The following SYT14 variants were observed in gnomAD, a reference collection of about 807,000 sequenced individuals.
SYT14 encodes the protein synaptotagmin-14.
A neutral mutation model predicts 74.2 loss-of-function variants in SYT14; 32 were observed. The ratio of observed to expected loss-of-function variants is 0.43; its 90% CI spans 0.33 to 0.58. The LOEUF (loss-of-function observed/expected upper bound fraction) is 0.58. Ranked by LOEUF, SYT14 falls within the 20% of genes least tolerant of loss-of-function variation. SYT14 has a pLI of 0.05. For synonymous variants in SYT14, 298 were observed against 337.7 expected (o/e 0.88, Z 1.29); for missense variants, 791 against 981.8 (o/e 0.81, Z 2.60).
chr1:209,974,575 C>G (rs2079321423), intron 2 of SYT14, among the ~76,000 whole-genome samples: 1 of 152,124 alleles, frequency 6.6e-6, no homozygotes, highest in African/African-American at 2.4e-5. Context: ...GTCTATATCT[C>G]TGTTGTGGTA....
At chr1:210,072,132 GATAT>G (rs34290398) in intron 5 of SYT14, among the ~76,000 whole-genome samples, 8 of 146,288 alleles carry the variant, frequency 5.5e-5, no homozygotes, top group African/African-American at 1.7e-4. Context: ...GTTAATTAAA[GATAT>G]ATATATATAT....
exon 10 of SYT14, chr1:210,165,350 T>G (rs1220081624): frequency 6.6e-6 from 1 of 151,878 alleles, no homozygotes; most frequent in Non-Finnish European, 1.5e-5. Flanking sequence ...AGATCAGAAA[T>G]TTTTTTTCTT....
intron 1 of SYT14, among the ~76,000 whole-genome samples, chr1:209,949,409 C>T (rs960499830): frequency 2.0e-5 from 3 of 151,972 alleles, no homozygotes; most frequent in African/African-American, 7.3e-5. Flanking sequence ...CCCGCCTCTA[C>T]TAAAGATACA....
chr1:210,013,200 A>T (rs966146774), intron 2 of SYT14, among the ~76,000 whole-genome samples: 8 of 149,252 alleles, frequency 5.4e-5, no homozygotes, highest in Admixed American at 5.1e-4. Flanking sequence ...CCACCCAAGT[A>T]GCTGGGATTA....
exon 4 of SYT14, chr1:210,016,493 A>G (rs1182446759): frequency 8.9e-6 from 11 of 1,231,960 alleles, no homozygotes; most frequent in African/African-American, 4.7e-5. Context: ...GGCTGGATCT[A>G]TTTGTCAAGA....
chr1:210,080,984 A>G (rs2102479590), intron 5 of SYT14, among the ~76,000 whole-genome samples: 1 of 152,310 alleles, frequency 6.6e-6, no homozygotes, highest in East Asian at 1.9e-4. Flanking sequence ...TTACCCAAGT[A>G]AAAAGGAGGA....
intron 2 of SYT14, among the ~76,000 whole-genome samples, chr1:210,008,262 A>G (rs2080024004): frequency 1.3e-5 from 2 of 152,208 alleles, no homozygotes; most frequent in African/African-American, 4.8e-5. Flanking sequence ...GGATCATGGG[A>G]AAACTTGCAT....
At chr1:209,980,142 A>G (rs1572104582) in intron 2 of SYT14, among the ~76,000 whole-genome samples, 2 of 152,096 alleles carry the variant, frequency 1.3e-5, no homozygotes, top group Non-Finnish European at 2.9e-5. Context: ...CTTTTTAATT[A>G]TAGCTGTTCT....
chr1:210,066,014 A>G (rs1452332593), intron 5 of SYT14, among the ~76,000 whole-genome samples: 1 of 151,728 alleles, frequency 6.6e-6, no homozygotes, highest in African/African-American at 2.4e-5. Flanking sequence ...GCTGAGAATG[A>G]TGGTTTCCAG....
chr1:210,039,733 AC>A (rs1309007527), intron 5 of SYT14, among the ~76,000 whole-genome samples: 2 of 152,216 alleles, frequency 1.3e-5, no homozygotes, highest in Non-Finnish European at 2.9e-5. Flanking sequence ...ATGAACAGAC[AC>A]TTCTCAAAAG....
intron 6 of SYT14, among the ~76,000 whole-genome samples, chr1:210,099,246 A>G (rs1181482485): frequency 6.6e-6 from 1 of 152,200 alleles, no homozygotes; most frequent in Non-Finnish European, 1.5e-5. Context: ...ATAGACTGGC[A>G]AGAATTTGAG....
chr1:210,065,776 G>C (rs2081284228), intron 5 of SYT14, among the ~76,000 whole-genome samples: 1 of 151,754 alleles, frequency 6.6e-6, no homozygotes, highest in African/African-American at 2.4e-5. Flanking sequence ...TGCACAACGT[G>C]CAGGTTTGTT....
intron 5 of SYT14, among the ~76,000 whole-genome samples, chr1:210,043,721 T>C (rs189131351): frequency 6.6e-6 from 1 of 152,246 alleles, no homozygotes; most frequent in East Asian, 1.9e-4. Context: ...TTTCTGGACA[T>C]GTTAGGACTT....
chr1:210,031,954 A>G (rs551769277), intron 5 of SYT14, among the ~76,000 whole-genome samples: 93 of 152,248 alleles, frequency 6.1e-4, no homozygotes, highest in African/African-American at 1.9e-3. Flanking sequence ...TCTCTTTGCT[A>G]TGGACTACTA....
intron 5 of SYT14, among the ~76,000 whole-genome samples, chr1:210,042,498 A>G (rs2080809503): frequency 6.6e-6 from 1 of 152,194 alleles, no homozygotes; most frequent in South Asian, 2.1e-4. Flanking sequence ...TTTAGGTCTT[A>G]CATTTAAATC....
At chr1:210,070,380 A>G (rs2081370788) in intron 5 of SYT14, among the ~76,000 whole-genome samples, 1 of 152,124 alleles carries the variant, frequency 6.6e-6, no homozygotes, top group Non-Finnish European at 1.5e-5. Flanking sequence ...TCCACTTTCA[A>G]AATGGAACTG....
At chr1:210,168,541 G>C (rs115919121) in exon 10 of SYT14, 1 of 151,950 alleles carries the variant, frequency 6.6e-6, no homozygotes, top group African/African-American at 2.4e-5. Flanking sequence ...ATAATACTCC[G>C]TTATATACTG....
At chr1:209,980,542 T>C (rs991653054) in intron 2 of SYT14, among the ~76,000 whole-genome samples, 2 of 152,234 alleles carry the variant, frequency 1.3e-5, no homozygotes, top group African/African-American at 4.8e-5. Flanking sequence ...TCCTGAAAGG[T>C]ATTGCCTAGA....
chr1:210,034,869 C>A (rs1236253602), intron 5 of SYT14, among the ~76,000 whole-genome samples: 1 of 151,820 alleles, frequency 6.6e-6, no homozygotes, highest in African/African-American at 2.4e-5. Context: ...TTTATTCAAT[C>A]CTCTGTTGAT....
Sources: allele counts gnomAD v4.1 joint callset (sites outside exome capture counted in the v4.1 genomes callset), GRCh38; gene constraint gnomAD v4.1.1; transcripts MANE v1.5; gene names NCBI Gene and HGNC (gene_info 2026-07-23, HGNC 2026-07-21).